Variants in PROSER1 observed in about 807,000 individuals in gnomAD.
The protein encoded by PROSER1 is proline and serine-rich protein 1.
PROSER1 carries 36 observed loss-of-function variants against 71.8 expected under a neutral mutation model. The observed-to-expected ratio is 0.50, with a 90% confidence interval of 0.38 to 0.66. PROSER1 has a LOEUF of 0.66. Ranked by LOEUF, PROSER1 falls within the 30% of genes least tolerant of loss-of-function variation. PROSER1 has a pLI of 0.00. For synonymous variants in PROSER1, 490 were observed against 452.4 expected (o/e 1.08, Z -1.06); for missense variants, 1,107 against 1,135.0 (o/e 0.98, Z 0.35).
chr13:39,034,832 T>G (rs189407417), intron 1 of PROSER1, among the ~76,000 whole-genome samples: 53 of 152,352 alleles, frequency 3.5e-4, no homozygotes, highest in African/African-American at 1.2e-3. Flanking sequence ...AAGACTATAA[T>G]AGTGGACATT....
Position 39,012,089 on chromosome 13 carries a change from T to TAAC in PROSER1, c.2703_2705dup (p.Leu902dup). ...GCCAGCCATTGCTGCTTACCTGCTG[T>TAAC]AACAATGCTGACTGCGCAGCCGCAT... On this transcript the variant is annotated inframe_insertion, in exon 12 of 13. Coordinates refer to ENST00000352251, the MANE Select transcript of PROSER1 (RefSeq NM_025138.5). 1 of 1,613,434 alleles carries TAAC rather than the reference T, an allele frequency of 6.2e-7. No homozygotes were observed. Among genetic ancestry groups the TAAC allele is most frequent in the Non-Finnish European group, 8.5e-7 (1 of 1,179,786 alleles).
chr13:39,022,413 CTAAAA>C lies in PROSER1; in HGVS notation c.644-6_644-2del. ...ACCAGACCTGCATTGTTATAAGCAC[CTAAAA>C]TAAAAACACAATAGAAAAAAATATA... On this transcript the variant is annotated splice_acceptor_variant and splice_polypyrimidine_tract_variant and intron_variant, in intron 8 of 12. Transcript: ENST00000352251. LOFTEE classifies it high-confidence loss of function. 1 of 1,609,566 alleles carries C rather than the reference CTAAAA, an allele frequency of 6.2e-7. No individual in the cohort carries two copies. The highest frequency in any genetic ancestry group is 8.5e-7 in the Non-Finnish European group (1 of 1,176,052).
intron 7 of PROSER1, chr13:39,023,365 T>C: frequency 2.3e-6 from 1 of 426,590 alleles, no homozygotes; most frequent in Non-Finnish European, 4.3e-6. Flanking sequence ...CAGAGATTTT[T>C]AAAATCATCT....
At chr13:39,022,482 AG>A (rs1434883223) in intron 8 of PROSER1, 70 bp from the exon 9 acceptor site, 3 of 1,017,226 alleles carry the variant, frequency 2.9e-6, no homozygotes, top group Non-Finnish European at 4.7e-6. Context: ...TTCTGTGACT[AG>A]GAGTTCAAAC....
chr13:39,011,936 G>T (rs1869679451), intron 12 of PROSER1, 147 bp downstream of exon 12: 2 of 836,378 alleles, frequency 2.4e-6, no homozygotes, highest in African/African-American at 1.7e-5. Flanking sequence ...AATTTGGAGA[G>T]AAGTAATCAT....
chr13:39,028,158 G>C, intron 5 of PROSER1, 69 bp downstream of exon 5: 1 of 780,800 alleles, frequency 1.3e-6, no homozygotes, highest in East Asian at 2.6e-5. Flanking sequence ...TAAGAAGAAA[G>C]GTGCTTTTTC....
intron 9 of PROSER1, among the ~76,000 whole-genome samples, chr13:39,019,451 G>A (rs908465135): frequency 6.7e-6 from 1 of 149,136 alleles, no homozygotes; most frequent in Non-Finnish European, 1.5e-5. Context: ...GGGAGGCGGA[G>A]GTTGTGGTGA....
chr13:39,020,742 T>C (rs1198395569), intron 9 of PROSER1, among the ~76,000 whole-genome samples: 1 of 152,200 alleles, frequency 6.6e-6, no homozygotes, highest in Non-Finnish European at 1.5e-5. Flanking sequence ...TATACTCTTA[T>C]GGACAGGTTT....
intron 9 of PROSER1, among the ~76,000 whole-genome samples, chr13:39,021,591 T>C (rs1870293768): frequency 6.6e-6 from 1 of 152,070 alleles, no homozygotes; most frequent in Non-Finnish European, 1.5e-5. Flanking sequence ...GAACTAAAGG[T>C]ATTTTTTTAA....
chr13:39,014,541 A>G (rs1869917955), intron 10 of PROSER1, 65 bp from the exon 11 acceptor site: 4 of 1,196,220 alleles, frequency 3.3e-6, no homozygotes, highest in Non-Finnish European at 4.7e-6. Context: ...TTTTGAATTA[A>G]AAAGCATAAC....
chr13:39,013,308 C>T lies in PROSER1; in HGVS notation c.1944G>A (p.Val648=). The T allele has an allele frequency of 6.2e-7, 1 of 1,614,070 alleles. No individual in the cohort carries two copies. The highest frequency in any genetic ancestry group is 8.5e-7 in the Non-Finnish European group (1 of 1,180,028). The change falls in exon 11 of 13, where the codon GTG becomes GTA. Residue 648 remains valine, a synonymous_variant. Transcript: ENST00000352251. The part of the protein sequence containing the change: ...TLGRAYTSTS[V]PISLSACLNP... The stretch of plus-strand genomic sequence containing the variant: ...TAAGGCAAGCAGATAAACTGATGGG[C>T]ACGGATGTTGAAGTATATGCACGGC...
chr13:39,014,242 A>G lies in PROSER1; in HGVS notation c.1010T>C (p.Ile337Thr), dbSNP rs138649285. 87 of 1,614,138 alleles carry G rather than the reference A, an allele frequency of 5.4e-5. No individual in the cohort carries two copies. The highest frequency in any genetic ancestry group is 7.2e-5 in the Non-Finnish European group (85 of 1,180,026). Reference sequence around the variant, plus strand: ...TGCAGTGGGCAATGAAGGGGTTCTGATAACTGTTGGGTTTGGTATTGATGG... The same window carrying G: ...TGCAGTGGGCAATGAAGGGGTTCTGGTAACTGTTGGGTTTGGTATTGATGG... ...PQPSIPNPTV[I>T]RTPSLPTAPV... The change falls in exon 11 of 13, where the codon ATC (isoleucine) becomes ACC (threonine). Residue 337 changes from isoleucine to threonine, a missense_variant. Ile to Thr is a moderately conservative substitution (Grantham distance 89). Coordinates refer to ENST00000352251, the MANE Select transcript of PROSER1 (RefSeq NM_025138.5).
At chr13:39,015,913 T>C (rs756063116) in intron 10 of PROSER1, among the ~76,000 whole-genome samples, 6 of 152,232 alleles carry the variant, frequency 3.9e-5, no homozygotes, top group Non-Finnish European at 8.8e-5. Flanking sequence ...ATATACCTAA[T>C]CTTATGTTTG....
chr13:39,017,841 T>A (rs954479193), intron 9 of PROSER1: 7 of 274,916 alleles, frequency 2.5e-5, no homozygotes. Flanking sequence ...ACACTGTTAA[T>A]TTTACATATA....
At position 39,012,816 on chromosome 13, in the gene PROSER1, G is replaced by A. The variant is rs777960567; in HGVS notation, c.2436C>T (p.Pro812=). Residue 812 remains proline (P), a synonymous_variant, in exon 11 of 13, where the codon CCC becomes CCT. Transcript: ENST00000352251. ...ALPSFPGLQA[P]STVAAVTPLP... ...GTGGTGTGACAGCTGCGACTGTAGAGGGCGCCTGCAGCCCCGGGAATGAGG... is the reference window on the plus strand; with the variant it reads ...GTGGTGTGACAGCTGCGACTGTAGAAGGCGCCTGCAGCCCCGGGAATGAGG... The A allele has an allele frequency of 1.9e-6, 3 of 1,614,198 alleles. No homozygotes were observed. Among genetic ancestry groups the A allele is most frequent in the Middle Eastern group, 3.3e-4 (2 of 6,060 alleles).
chr13:39,011,192 G>T lies in PROSER1; in HGVS notation c.*173C>A. The T allele has an allele frequency of 1.6e-6, 1 of 642,112 alleles. No individual in the cohort carries two copies. The highest frequency in any genetic ancestry group is 2.8e-6 in the Non-Finnish European group (1 of 362,622). The allele number at this position is 642,112 out of a possible 1,614,324, so 39.8% of individuals were successfully genotyped here. A position where few individuals can be genotyped will look rare whatever the true frequency, so the allele number is the denominator to read the frequency against. On this transcript the variant is annotated 3_prime_UTR_variant, in exon 13 of 13. Coordinates refer to ENST00000352251, the MANE Select transcript of PROSER1 (RefSeq NM_025138.5). The stretch of plus-strand genomic sequence containing the variant: ...ATTGTCAGCATATTTACATAGGGGA[G>T]TGTTCACACTTTAAAATGCAACCAC...
chr13:39,021,823 T>C (rs1870304286), intron 9 of PROSER1, among the ~76,000 whole-genome samples: 1 of 152,236 alleles, frequency 6.6e-6, no homozygotes, highest in East Asian at 1.9e-4. Context: ...TGAGTTTCCA[T>C]AGCACCCTAA....
In PROSER1 at chr13:39,031,580, T is replaced by C. The variant is rs1870844441; in HGVS notation, c.163A>G (p.Met55Val). 6.2e-7 allele frequency: 1 copy of C among 1,611,472 alleles called. No individual in the cohort carries two copies. Residue 55 changes from methionine (M) to valine (V), a missense_variant, in exon 3 of 13, where the codon ATG (methionine) becomes GTG (valine). Coordinates refer to ENST00000352251, the MANE Select transcript of PROSER1 (RefSeq NM_025138.5). ...TTACTTACATGCTGTAATGCTTTCA[T>C]TGCCTTCAACTGGGGCTCGGCCCAG... ...FSWAEPQLKA[M>V]KALQHKMVAV...
rs777142512 is a variant in PROSER1 at position 39,026,380 on chromosome 13, T to A, written c.377A>T (p.Lys126Met). The A allele has an allele frequency of 2.5e-6, 4 of 1,606,710 alleles. No homozygotes were observed. Among genetic ancestry groups the A allele is most frequent in the Non-Finnish European group, 2.6e-6 (3 of 1,176,468 alleles). Residue 126 changes from lysine to methionine, a missense_variant, in exon 6 of 13, where the codon AAG (lysine) becomes ATG (methionine). By Grantham distance (95) the Lys-to-Met change is moderately conservative. Coordinates refer to ENST00000352251, the MANE Select transcript of PROSER1 (RefSeq NM_025138.5). ...AGCATGAGGAGCTTTGCAGCCCCCC[T>A]TGAAAGCCTGTAATATAAGAAAGAA... Reference protein sequence around the residue: ...RCKRILEQAFKGGCKAPHAMI... With the variant: ...RCKRILEQAFMGGCKAPHAMI...
Sources: allele counts gnomAD v4.1 joint callset (sites outside exome capture counted in the v4.1 genomes callset), GRCh38; gene constraint gnomAD v4.1.1; transcripts MANE v1.5; gene names NCBI Gene and HGNC (gene_info 2026-07-23, HGNC 2026-07-21).